DPP10: variants seen among roughly 807,000 people sequenced by gnomAD.
The protein encoded by DPP10 is dipeptidyl peptidase like 10.
Under a neutral mutation model 120.9 loss-of-function variants are expected in DPP10, and 33 were observed. The ratio of observed to expected loss-of-function variants is 0.27; its 90% CI spans 0.21 to 0.37. The LOEUF is 0.37. Ranked by LOEUF, DPP10 falls within the 10% of genes least tolerant of loss-of-function variation. DPP10 has a pLI of 1.00. For synonymous variants in DPP10, 337 were observed against 326.1 expected (o/e 1.03, Z -0.36); for missense variants, 816 against 942.8 (o/e 0.87, Z 1.76).
intron 1 of DPP10, among the ~76,000 whole-genome samples, chr2:115,154,888 A>G (rs891558238): frequency 2.0e-5 from 3 of 149,754 alleles, no homozygotes; most frequent in Admixed American, 6.7e-5. Flanking sequence ...CGGTTTTGCC[A>G]TTACTTTTTT....
chr2:115,741,086 T>C lies in DPP10; in HGVS notation c.852+1193T>C, dbSNP rs528973789. On this transcript the variant is annotated intron_variant, in intron 9 of 25. Coordinates refer to ENST00000410059, the MANE Select transcript of DPP10 (RefSeq NM_020868.6). ...GGTGGGGGTGAGGTCATTTACACTT[T>C]CCTTCTGTTCCCACCAGCCACCATA... Among the ~76,000 whole-genome samples the C allele has an allele frequency of 6.6e-5, 10 of 152,236 alleles. No homozygotes were observed. In the South Asian group the frequency reaches 2.1e-3, roughly 32 times the overall value.
At chr2:114,666,226 T>C (rs910146280) in intron 1 of DPP10, among the ~76,000 whole-genome samples, 2 of 152,182 alleles carry the variant, frequency 1.3e-5, no homozygotes, top group Admixed American at 6.5e-5. Flanking sequence ...AATGAGTAGA[T>C]GAATGAATAT....
At chr2:115,526,988 C>A (rs991551810) in intron 5 of DPP10, among the ~76,000 whole-genome samples, 4 of 152,010 alleles carry the variant, frequency 2.6e-5, no homozygotes, top group African/African-American at 9.7e-5. Context: ...TTTTGTAAGT[C>A]ATATGTTATA....
chr2:115,226,357 A>G (rs1026274103), intron 1 of DPP10, among the ~76,000 whole-genome samples: 49 of 152,286 alleles, frequency 3.2e-4, no homozygotes, highest in African/African-American at 1.2e-3. Flanking sequence ...GGCTGCTGAT[A>G]TATTTCTACA....
intron 5 of DPP10, among the ~76,000 whole-genome samples, chr2:115,574,190 A>T (rs187073257): frequency 1.3e-5 from 2 of 152,182 alleles, no homozygotes; most frequent in East Asian, 3.9e-4. Context: ...TTCAGGATTA[A>T]TTAGCCCTCT....
intron 1 of DPP10, among the ~76,000 whole-genome samples, chr2:115,100,570 G>T (rs1464856963): frequency 6.6e-6 from 1 of 152,024 alleles, no homozygotes; most frequent in Admixed American, 6.6e-5. Flanking sequence ...ATGTGTGTGT[G>T]TATGTGTGTG....
At chr2:115,158,584 A>AAGTTT (rs1378666337) in intron 1 of DPP10, among the ~76,000 whole-genome samples, 3 of 152,200 alleles carry the variant, frequency 2.0e-5, no homozygotes, top group Admixed American at 6.5e-5. Flanking sequence ...ATGTGTTGTA[A>AAGTTT]AGTTTAGATA....
At chr2:115,202,363 G>A (rs1180487191) in intron 1 of DPP10, among the ~76,000 whole-genome samples, 1 of 152,096 alleles carries the variant, frequency 6.6e-6, no homozygotes, top group Non-Finnish European at 1.5e-5. Flanking sequence ...TGCTAATTAA[G>A]AATCAGAAAA....
intron 3 of DPP10, among the ~76,000 whole-genome samples, chr2:115,415,289 A>G (rs1298119192): frequency 3.3e-5 from 5 of 152,094 alleles, no homozygotes; most frequent in South Asian, 4.1e-4. Flanking sequence ...GTGCCTGCCT[A>G]TATGATCAGT....
intron 1 of DPP10, among the ~76,000 whole-genome samples, chr2:115,130,125 C>T (rs1295000072): frequency 6.6e-6 from 1 of 152,184 alleles, no homozygotes; most frequent in Non-Finnish European, 1.5e-5. Flanking sequence ...ATAAAAGTTT[C>T]ATTGAGGTCT....
intron 3 of DPP10, among the ~76,000 whole-genome samples, chr2:115,463,538 C>T (rs2074117977): frequency 6.6e-6 from 1 of 152,120 alleles, no homozygotes; most frequent in Non-Finnish European, 1.5e-5. Context: ...CATATCTGTC[C>T]ATAAGTAGTG....
At chr2:115,137,158 A>G (rs2050689864) in intron 1 of DPP10, among the ~76,000 whole-genome samples, 1 of 152,194 alleles carries the variant, frequency 6.6e-6, no homozygotes, top group Non-Finnish European at 1.5e-5. Context: ...CTCAAAGGGC[A>G]TATCCAGCAT....
chr2:115,650,068 C>T (rs2087619489), intron 5 of DPP10, among the ~76,000 whole-genome samples: 1 of 151,986 alleles, frequency 6.6e-6, no homozygotes, highest in Non-Finnish European at 1.5e-5. Flanking sequence ...TTTCCTGTGG[C>T]CAGTGGTCAT....
intron 1 of DPP10, among the ~76,000 whole-genome samples, chr2:115,107,985 T>C (rs1377644246): frequency 6.6e-6 from 1 of 152,200 alleles, no homozygotes; most frequent in Non-Finnish European, 1.5e-5. Context: ...TTGAGATTAC[T>C]TCACATAAAA....
intron 1 of DPP10, among the ~76,000 whole-genome samples, chr2:114,881,052 A>G (rs1691562014): frequency 6.6e-6 from 1 of 152,102 alleles, no homozygotes; most frequent in Non-Finnish European, 1.5e-5. Flanking sequence ...TCAATCCCAT[A>G]TGTCTGAAAT....
chr2:114,701,116 T>A (rs576131490), intron 1 of DPP10, among the ~76,000 whole-genome samples: 1 of 152,244 alleles, frequency 6.6e-6, no homozygotes, highest in South Asian at 2.1e-4. Flanking sequence ...TCTAGATAAA[T>A]GATGTGATCT....
At chr2:114,779,074 G>T (rs1295492535) in intron 1 of DPP10, among the ~76,000 whole-genome samples, 1 of 151,994 alleles carries the variant, frequency 6.6e-6, no homozygotes, top group Non-Finnish European at 1.5e-5. Flanking sequence ...CAGTGGAGTT[G>T]GTACCTCTGG....
chr2:115,043,835 G>A (rs570698571), intron 1 of DPP10, among the ~76,000 whole-genome samples: 13 of 152,026 alleles, frequency 8.6e-5, no homozygotes, highest in Admixed American at 3.3e-4. Context: ...ACTGTCTTGC[G>A]GTCAGTTATA....
intron 3 of DPP10, among the ~76,000 whole-genome samples, chr2:115,415,140 A>G (rs951342432): frequency 6.6e-6 from 1 of 152,152 alleles, no homozygotes; most frequent in Non-Finnish European, 1.5e-5. Flanking sequence ...TAAGATAAGT[A>G]TTTGATTCTG....
Sources: gnomAD v4.1 joint callset for allele counts (sites outside exome capture counted in the v4.1 genomes callset) on GRCh38, gnomAD v4.1.1 for gene constraint, MANE v1.5 for transcripts, NCBI Gene and HGNC (gene_info 2026-07-23, HGNC 2026-07-21) for gene names.